The following TFPI variants were observed in gnomAD, a reference collection of about 807,000 sequenced individuals.
TFPI encodes the protein tissue factor pathway inhibitor, also known as anti-convertin.
In TFPI, 15 loss-of-function variants were observed where a neutral mutation model predicts 34.6. That is an observed-to-expected ratio of 0.43 (90% confidence interval 0.29 to 0.67). The LOEUF is 0.67. TFPI is among the 30% of genes least tolerant of loss of function. TFPI has a pLI of 0.15. For missense variants in TFPI, 301 were observed against 364.0 expected (o/e 0.83, Z 1.41); for synonymous variants, 105 against 120.1 (o/e 0.87, Z 0.82).
chr2:187,473,859 GA>G (rs1259014551), intron 6 of TFPI, among the ~76,000 whole-genome samples: 1 of 151,590 alleles, frequency 6.6e-6, no homozygotes, highest in African/African-American at 2.4e-5. Flanking sequence ...ATAAAGTATA[GA>G]AGGAGGGTTG....
At chr2:187,550,126 C>T (rs904449064) in intron 1 of TFPI, among the ~76,000 whole-genome samples, 8 of 151,990 alleles carry the variant, frequency 5.3e-5, no homozygotes, top group South Asian at 2.1e-4. Context: ...TAGTACCGAA[C>T]GTCAGAGAGG....
chr2:187,504,583 A>G (rs1417987533), intron 1 of TFPI, among the ~76,000 whole-genome samples: 1 of 151,994 alleles, frequency 6.6e-6, no homozygotes, highest in African/African-American at 2.4e-5. Flanking sequence ...AAAAAAAAGA[A>G]AAGAAAGAAG....
intron 2 of TFPI, among the ~76,000 whole-genome samples, chr2:187,498,637 T>C (rs1224362196): frequency 6.6e-6 from 1 of 151,902 alleles, no homozygotes; most frequent in Non-Finnish European, 1.5e-5. Flanking sequence ...TTTCAATTTT[T>C]AAAAATACTA....
rs551313109 is a variant in TFPI at position 187,488,494 on chromosome 2, ATG to A, written c.320-121_320-120del. ...ACCATTAAAATTATTCTTATACAGA[ATG>A]TCTTAATAAAAATTGAATTTCTTTT... On this transcript the variant is annotated intron_variant, in intron 3 of 7. Coordinates refer to ENST00000233156, the MANE Select transcript of TFPI (RefSeq NM_006287.6). The A allele has an allele frequency of 8.6e-5, 47 of 546,652 alleles. No homozygotes were observed. In the African/African-American group the frequency reaches 8.7e-4, roughly 10 times the overall value. 33.9% of individuals were successfully genotyped at this position (546,652 alleles called of 1,614,324 possible). A position where few individuals can be genotyped will look rare whatever the true frequency, so the allele number is the denominator to read the frequency against.
intron 1 of TFPI, among the ~76,000 whole-genome samples, chr2:187,538,118 T>A (rs2106287720): frequency 6.6e-6 from 1 of 152,266 alleles, no homozygotes; most frequent in Non-Finnish European, 1.5e-5. Context: ...GTAATAGGAA[T>A]GCTTTTGCAC....
At chr2:187,517,344 G>C (rs1687078574) in intron 1 of TFPI, 1 of 152,110 alleles carries the variant, frequency 6.6e-6, no homozygotes, top group Non-Finnish European at 1.5e-5. Flanking sequence ...TGTATGTTGT[G>C]TCTTTGCTCT....
At chr2:187,484,417 C>T (rs749676208) in intron 5 of TFPI, 17 of 553,908 alleles carry the variant, frequency 3.1e-5, no homozygotes, top group Admixed American at 7.0e-5. Flanking sequence ...GTCAAAAAAG[C>T]GTAGCAGTTA....
At chr2:187,524,599 G>A (rs10208660) in intron 1 of TFPI, among the ~76,000 whole-genome samples, 2,874 of 151,900 alleles carry the variant, frequency 0.019, 111 homozygotes, top group African/African-American at 0.065. Flanking sequence ...AAAATTAGGC[G>A]GCAGTACAGA....
intron 2 of TFPI, among the ~76,000 whole-genome samples, chr2:187,498,489 A>C (rs966278830): frequency 6.6e-6 from 1 of 151,862 alleles, no homozygotes; most frequent in African/African-American, 2.4e-5. Flanking sequence ...GAGTCATAAA[A>C]TTGTAAGTAG....
intron 6 of TFPI, among the ~76,000 whole-genome samples, chr2:187,479,961 A>G (rs1048257993): frequency 6.6e-6 from 1 of 152,092 alleles, no homozygotes; most frequent in Non-Finnish European, 1.5e-5. Context: ...AAAAGTTCGG[A>G]AAGTTGGAAA....
Position 187,551,712 on chromosome 2 carries a change from T to C in TFPI, c.-3+2488A>G, listed in dbSNP as rs551787997. Among the ~76,000 whole-genome samples the C allele has an allele frequency of 6.6e-5, 10 of 152,308 alleles. 1 individual carries two copies. In the South Asian group the frequency reaches 1.9e-3, roughly 28 times the overall value. On this transcript the variant is annotated intron_variant, in intron 1 of 7. Transcript: ENST00000233156. ...GTGAGATTTGATATCCAGAAACACA[T>C]GTCTATTGAATTCAAGTTTCTCCTA...
intron 6 of TFPI, among the ~76,000 whole-genome samples, chr2:187,468,214 TA>T (rs1269045284): frequency 6.6e-6 from 1 of 151,222 alleles, no homozygotes; most frequent in African/African-American, 2.4e-5. Context: ...TTGTACATAA[TA>T]AAAACCACTC....
At chr2:187,490,194 A>C (rs954904303) in intron 3 of TFPI, among the ~76,000 whole-genome samples, 2 of 151,674 alleles carry the variant, frequency 1.3e-5, no homozygotes, top group Non-Finnish European at 3.0e-5. Flanking sequence ...AGATGTAAAT[A>C]ATGATATTTT....
At chr2:187,481,311 A>G (rs190585148) in intron 6 of TFPI, among the ~76,000 whole-genome samples, 73 of 152,208 alleles carry the variant, frequency 4.8e-4, no homozygotes, top group Middle Eastern at 3.4e-3. Flanking sequence ...TAAACAAAGA[A>G]TTGCATTTTC....
At chr2:187,551,915 G>T (rs1479699823) in intron 1 of TFPI, among the ~76,000 whole-genome samples, 3 of 152,032 alleles carry the variant, frequency 2.0e-5, no homozygotes, top group East Asian at 3.9e-4. Context: ...AAGGATGGCT[G>T]GTTGTAGAAG....
chr2:187,470,264 A>G (rs1484108987), intron 6 of TFPI, among the ~76,000 whole-genome samples: 1 of 152,146 alleles, frequency 6.6e-6, no homozygotes, highest in Non-Finnish European at 1.5e-5. Flanking sequence ...TGCAAATGTT[A>G]GTTGTTACGT....
In TFPI at chr2:187,464,529, C is replaced by G. The variant is rs1213318940; in HGVS notation, c.*2407G>C. ...TGTCTTTCTTGAGTAAGTAGTGAAC[C>G]AATGGACCAGTGGTTATTGTTGGAG... On this transcript the variant is annotated 3_prime_UTR_variant, in exon 8 of 8. Transcript: ENST00000233156. 6.6e-6 allele frequency: 1 copy of G among 152,072 alleles called. No individual in the cohort carries two copies. Among genetic ancestry groups the G allele is most frequent in the South Asian group, 2.1e-4 (1 of 4,824 alleles). 9.4% of individuals were successfully genotyped at this position (152,072 alleles called of 1,614,324 possible).
intron 2 of TFPI, chr2:187,499,365 C>A (rs1404710441): frequency 6.6e-6 from 1 of 151,824 alleles, no homozygotes; most frequent in Non-Finnish European, 1.5e-5. Context: ...AATGTATGAA[C>A]CAAAATGACT....
chr2:187,497,215 A>C (rs1325995888), intron 2 of TFPI, 137 bp from the exon 3 acceptor site: 2 of 824,406 alleles, frequency 2.4e-6, no homozygotes, highest in African/African-American at 3.5e-5. Flanking sequence ...AAAGTTATTC[A>C]GTTATCAAAA....
Sources: allele counts gnomAD v4.1 joint callset (sites outside exome capture counted in the v4.1 genomes callset), GRCh38; gene constraint gnomAD v4.1.1; transcripts MANE v1.5; gene names NCBI Gene and HGNC (gene_info 2026-07-23, HGNC 2026-07-21).